Variants in RBFOX1 observed in about 807,000 individuals in gnomAD.
The protein encoded by RBFOX1 is RNA binding fox-1 homolog 1, also known as RNA binding protein fox-1 homolog 1.
Under a neutral mutation model 57.7 loss-of-function variants are expected in RBFOX1, and 8 were observed. The ratio of observed to expected loss-of-function variants is 0.14; its 90% confidence interval spans 0.08 to 0.25. The LOEUF is 0.25. Ranked by LOEUF, RBFOX1 falls within the 10% of genes least tolerant of loss-of-function variation. The pLI is 1.00. For synonymous variants in RBFOX1, 326 were observed against 222.4 expected (o/e 1.47, Z -4.15); for missense variants, 611 against 548.5 (o/e 1.11, Z -1.14).
chr16:7,604,582 A>G (rs1759955818), intron 9 of RBFOX1, among the ~76,000 whole-genome samples: 1 of 152,202 alleles, frequency 6.6e-6, no homozygotes, highest in African/African-American at 2.4e-5. Flanking sequence ...AATAAACAGC[A>G]GATTATAGGG....
At chr16:6,975,642 C>T (rs142565301) in intron 3 of RBFOX1, among the ~76,000 whole-genome samples, 407 of 152,264 alleles carry the variant, frequency 2.7e-3, no homozygotes, top group African/African-American at 6.7e-3. Context: ...GATGAAAAGA[C>T]TGAGCCACAT....
At chr16:5,541,141 T>G (rs2044931733) in intron 2 of RBFOX1, among the ~76,000 whole-genome samples, 1 of 152,166 alleles carries the variant, frequency 6.6e-6, no homozygotes, top group East Asian at 1.9e-4. Flanking sequence ...TGAGCCTCCA[T>G]GCCTGGCCTG....
rs538119186 is a variant in RBFOX1, at chr16:7,389,150, G to T, written c.28-128997G>T. ...ATTTTTATTTTTATTTTTGGAGGCA[G>T]AGTCTCACTGTGTCACCCAGGCTGG... On this transcript the variant is annotated intron_variant, in intron 4 of 15. Transcript: ENST00000550418. 2.0e-5 allele frequency among the ~76,000 whole-genome samples: 3 copies of T among 152,174 alleles called. No homozygotes were observed. In the South Asian group the frequency reaches 6.2e-4, roughly 32 times the overall value.
At chr16:7,031,560 C>T (rs908556926) in intron 3 of RBFOX1, among the ~76,000 whole-genome samples, 1 of 151,200 alleles carries the variant, frequency 6.6e-6, no homozygotes, top group East Asian at 1.9e-4. Flanking sequence ...AAGATCATGC[C>T]ACTGCACTCC....
intron 4 of RBFOX1, among the ~76,000 whole-genome samples, chr16:7,171,204 C>T (rs961731605): frequency 1.3e-5 from 2 of 152,208 alleles, no homozygotes; most frequent in Admixed American, 6.5e-5. Flanking sequence ...GCACCCAGTA[C>T]TAACTCCCAG....
rs563036147 is a variant in RBFOX1, at chr16:5,380,004, C to T, written c.220-87212C>T. Among the ~76,000 whole-genome samples the T allele has an allele frequency of 3.9e-5, 6 of 152,306 alleles. No individual in the cohort carries two copies. The East Asian group carries it at 9.7e-4, about 25-fold the overall frequency. On this transcript the variant is annotated intron_variant, in intron 1 of 2. Transcript: ENST00000585867. The stretch of plus-strand genomic sequence containing the variant: ...TGTGAACCTGGGAGCCTGGGCACAG[C>T]CTTGCAGTGGGCGGTGTGAGGGCAC...
chr16:6,584,667 C>G (rs1490110543), intron 2 of RBFOX1, among the ~76,000 whole-genome samples: 1 of 152,000 alleles, frequency 6.6e-6, no homozygotes, highest in Admixed American at 6.6e-5. Context: ...CCATGCCCGG[C>G]CTGTGTTTTC....
intron 4 of RBFOX1, among the ~76,000 whole-genome samples, chr16:7,299,679 A>T (rs1164659701): frequency 3.9e-5 from 6 of 152,180 alleles, no homozygotes; most frequent in Non-Finnish European, 2.9e-5. Context: ...AGCTTCTGCA[A>T]AATACAGCTC....
intron 1 of RBFOX1, among the ~76,000 whole-genome samples, chr16:6,020,896 G>T (rs1042163401): frequency 1.3e-5 from 2 of 152,200 alleles, no homozygotes; most frequent in African/African-American, 4.8e-5. Flanking sequence ...GGGAGGGGAA[G>T]ACCCCGATCT....
intron 11 of RBFOX1, among the ~76,000 whole-genome samples, chr16:7,646,092 C>T (rs2063686018): frequency 6.6e-6 from 1 of 152,046 alleles, no homozygotes; most frequent in Non-Finnish European, 1.5e-5. Flanking sequence ...AAGAGAGTGA[C>T]CTAGTTGTCT....
At chr16:6,007,016 C>G (rs536085988) in intron 4 of RBFOX1, among the ~76,000 whole-genome samples, 18 of 152,006 alleles carry the variant, frequency 1.2e-4, no homozygotes, top group Non-Finnish European at 2.2e-4. Context: ...GATTTACCCT[C>G]TCTCCCCATC....
intron 4 of RBFOX1, among the ~76,000 whole-genome samples, chr16:7,451,109 G>T (rs2098848732): frequency 6.6e-6 from 1 of 152,168 alleles, no homozygotes. Context: ...GAGGGTTAAG[G>T]CTCTGGAGGG....
intron 3 of RBFOX1, among the ~76,000 whole-genome samples, chr16:6,907,661 C>T (rs1417376903): frequency 1.3e-5 from 2 of 152,178 alleles, no homozygotes; most frequent in African/African-American, 2.4e-5. Flanking sequence ...GCCTCTGCCT[C>T]CTGGGTTCAA....
intron 3 of RBFOX1, among the ~76,000 whole-genome samples, chr16:6,663,522 G>C (rs1475209021): frequency 1.3e-5 from 2 of 152,180 alleles, no homozygotes; most frequent in South Asian, 2.1e-4. Flanking sequence ...CTTCCTGGAA[G>C]GGCCTCTTTC....
At chr16:5,942,889 C>G (rs2059310162) in intron 4 of RBFOX1, among the ~76,000 whole-genome samples, 1 of 152,160 alleles carries the variant, frequency 6.6e-6, no homozygotes, top group Non-Finnish European at 1.5e-5. Flanking sequence ...TGGTTGCCAT[C>G]TTTATTGTTG....
intron 1 of RBFOX1, among the ~76,000 whole-genome samples, chr16:6,279,346 G>A (rs2076150392): frequency 6.6e-6 from 1 of 152,176 alleles, no homozygotes; most frequent in Non-Finnish European, 1.5e-5. Context: ...TGCCAAGGCT[G>A]GTGGTGAAAA....
chr16:6,988,126 G>A (rs1168657969), intron 3 of RBFOX1, among the ~76,000 whole-genome samples: 5 of 151,082 alleles, frequency 3.3e-5, no homozygotes, highest in Admixed American at 2.6e-4. Flanking sequence ...GAGAACATAG[G>A]AATACATAAA....
At chr16:5,716,509 C>A (rs2051704984) in intron 3 of RBFOX1, among the ~76,000 whole-genome samples, 1 of 152,182 alleles carries the variant, frequency 6.6e-6, no homozygotes, top group Non-Finnish European at 1.5e-5. Flanking sequence ...CAATTAGATA[C>A]CATCTCACAC....
chr16:6,042,244 G>C (rs1241749037), intron 1 of RBFOX1, among the ~76,000 whole-genome samples: 1 of 135,638 alleles, frequency 7.4e-6, no homozygotes, highest in Non-Finnish European at 1.7e-5. Context: ...GGGACTACAG[G>C]CACACACCAC....
Sources: gnomAD v4.1 joint callset for allele counts (sites outside exome capture counted in the v4.1 genomes callset) on GRCh38, gnomAD v4.1.1 for gene constraint, MANE v1.5 for transcripts, NCBI Gene and HGNC (gene_info 2026-07-23, HGNC 2026-07-21) for gene names.